Variants in ADAM22 observed in about 807,000 individuals in gnomAD.
ADAM22 encodes ADAM metallopeptidase domain 22, also known as disintegrin and metalloproteinase domain-containing protein 22.
A neutral mutation model predicts 144.6 loss-of-function variants in ADAM22; 65 were observed. The ratio of observed to expected loss-of-function variants is 0.45; its 90% CI spans 0.37 to 0.55. The LOEUF (loss-of-function observed/expected upper bound fraction) is 0.55, where lower values mean the gene tolerates loss of function less well. Among genes scored for constraint, ADAM22 ranks in the 20% least tolerant of loss-of-function variants. ADAM22 has a pLI of 0.00. For missense variants in ADAM22, 974 were observed against 1,184.9 expected (o/e 0.82, Z 2.61); for synonymous variants, 391 against 412.6 (o/e 0.95, Z 0.63).
At chr7:88,104,583 C>T (rs967648396) in intron 4 of ADAM22, among the ~76,000 whole-genome samples, 7 of 151,050 alleles carry the variant, frequency 4.6e-5, no homozygotes, top group African/African-American at 1.7e-4. Flanking sequence ...TAAGAAAGCC[C>T]TTTAACAGCC....
Position 88,132,817 on chromosome 7 carries a change from T to A in ADAM22, c.993-50T>A, listed in dbSNP as rs1586028455. On this transcript the variant is annotated intron_variant, in intron 11 of 31. Coordinates refer to ENST00000413139, the MANE Select transcript of ADAM22 (RefSeq NM_001324418.2). ...AGTAAACTAATAATGAGGGGTGCTA[T>A]GATGTTTGAACTGTGAACAGTAAGC... The A allele has an allele frequency of 3.5e-6, 5 of 1,449,090 alleles. No homozygotes were observed. In the East Asian group the frequency reaches 1.1e-4, roughly 33 times the overall value. The allele number at this position is 1,449,090 out of a possible 1,614,324, so 89.8% of individuals were successfully genotyped here. A position where few individuals can be genotyped will look rare whatever the true frequency, so the allele number is the denominator to read the frequency against.
At chr7:88,074,911 C>T (rs1203818874) in intron 3 of ADAM22, among the ~76,000 whole-genome samples, 1 of 152,006 alleles carries the variant, frequency 6.6e-6, no homozygotes, top group Non-Finnish European at 1.5e-5. Flanking sequence ...TAGAGCAACA[C>T]TAGAAATTTA....
chr7:88,125,307 A>G (rs1329347088), intron 7 of ADAM22, among the ~76,000 whole-genome samples: 1 of 151,984 alleles, frequency 6.6e-6, no homozygotes. Flanking sequence ...GGCTTTTTGG[A>G]AGATTTCCAG....
At chr7:87,937,637 T>G (rs1841552391) in intron 2 of ADAM22, among the ~76,000 whole-genome samples, 2 of 152,212 alleles carry the variant, frequency 1.3e-5, no homozygotes, top group African/African-American at 4.8e-5. Context: ...GCACCACTTG[T>G]GCAGTTTTTT....
rs537227222 is a variant in ADAM22 at position 88,177,458 on chromosome 7, G to T, written c.2301-1477G>T. Among the ~76,000 whole-genome samples, 37 of 152,154 alleles carry T rather than the reference G, an allele frequency of 2.4e-4. 1 individual carries two copies. The highest frequency in any genetic ancestry group is 1.5e-5 in the Non-Finnish European group (1 of 67,978). ...GGAAAAGAAAGAATAACTATTATGA[G>T]CTGAAGTCATTTACAGAATTAAAAA... On this transcript the variant is annotated intron_variant, in intron 26 of 31. Transcript: ENST00000413139.
At chr7:88,172,659 C>T (rs1844638091) in intron 26 of ADAM22, among the ~76,000 whole-genome samples, 1 of 151,738 alleles carries the variant, frequency 6.6e-6, no homozygotes, top group Non-Finnish European at 1.5e-5. Context: ...TATATAGTGC[C>T]CATGGGTTAC....
At chr7:88,162,295 G>A (rs1369488246) in intron 22 of ADAM22, among the ~76,000 whole-genome samples, 1 of 151,982 alleles carries the variant, frequency 6.6e-6, no homozygotes, top group African/African-American at 2.4e-5. Flanking sequence ...AGAACACATG[G>A]ACACAAAGAA....
intron 14 of ADAM22, among the ~76,000 whole-genome samples, chr7:88,138,182 CA>C (rs1833500733): frequency 1.3e-5 from 2 of 152,118 alleles, no homozygotes; most frequent in African/African-American, 4.8e-5. Context: ...AATATTTCTC[CA>C]AAAATCTTTG....
Position 88,112,404 on chromosome 7 carries a change from T to A in ADAM22, c.474-2180T>A, listed in dbSNP as rs573934050. ...ATGGAATTTCACCAATTTCACTAAA[T>A]CTTCAATGAAAGACAAATACTAGTT... On this transcript the variant is annotated intron_variant, in intron 5 of 31. Transcript: ENST00000413139. Among the ~76,000 whole-genome samples the A allele has an allele frequency of 2.0e-5, 3 of 152,298 alleles. No individual in the cohort carries two copies. The East Asian group carries it at 5.8e-4, about 29-fold the overall frequency.
intron 3 of ADAM22, among the ~76,000 whole-genome samples, chr7:88,026,413 C>T (rs985322614): frequency 2.0e-5 from 3 of 152,252 alleles, no homozygotes; most frequent in African/African-American, 4.8e-5. Flanking sequence ...ACTGAAGGGG[C>T]GGTGCTAACC....
At chr7:88,179,244 A>G in intron 27 of ADAM22, 115 bp downstream of exon 27, 1 of 472,162 alleles carries the variant, frequency 2.1e-6, no homozygotes, top group Non-Finnish European at 3.8e-6. Flanking sequence ...AAATCAGGCC[A>G]CAAAATCAAA....
intron 2 of ADAM22, among the ~76,000 whole-genome samples, chr7:87,976,513 T>G (rs1272580092): frequency 2.0e-5 from 3 of 152,124 alleles, no homozygotes; most frequent in Admixed American, 6.6e-5. Context: ...ACCTTGGACT[T>G]CCAGCCTCCA....
chr7:87,943,200 C>T (rs1842807438), intron 2 of ADAM22, among the ~76,000 whole-genome samples: 1 of 149,520 alleles, frequency 6.7e-6, no homozygotes, highest in Non-Finnish European at 1.5e-5. Context: ...TTGTCATGTA[C>T]CAGGCATTGT....
At position 88,173,178 on chromosome 7, in the gene ADAM22, T is replaced by C. The variant is rs1336526391; in HGVS notation, c.2300+1617T>C. On this transcript the variant is annotated intron_variant, in intron 26 of 31. Transcript: ENST00000413139. ...AAAAGTATGCACAAATTTCTTGTTC[T>C]AACTCAATATGTAGAGAGATATCGT... Among the ~76,000 whole-genome samples, 10 of 152,050 alleles carry C rather than the reference T, an allele frequency of 6.6e-5. No individual in the cohort carries two copies. In the East Asian group the frequency reaches 1.9e-3, roughly 29 times the overall value.
Position 88,120,112 on chromosome 7 carries a change from C to T in ADAM22, c.607+3298C>T, listed in dbSNP as rs546467730. 1.4e-3 allele frequency among the ~76,000 whole-genome samples: 217 copies of T among 152,082 alleles called. 4 individuals carry two copies. The highest frequency in any genetic ancestry group is 2.3e-3 in the Non-Finnish European group (155 of 67,990). On this transcript the variant is annotated intron_variant, in intron 7 of 31. Transcript: ENST00000413139. The stretch of plus-strand genomic sequence containing the variant: ...TGGAGAATTTGTATTTCCAGTGCTT[C>T]CCAGGTGATGCTAATGCTGCTGGTG...
At chr7:87,949,334 C>T (rs1844461858) in intron 2 of ADAM22, among the ~76,000 whole-genome samples, 1 of 152,184 alleles carries the variant, frequency 6.6e-6, no homozygotes, top group Admixed American at 6.5e-5. Flanking sequence ...AATAAAATGA[C>T]AGGAACTTGG....
At chr7:88,186,396 G>A in intron 29 of ADAM22, 2 of 527,006 alleles carry the variant, frequency 3.8e-6, no homozygotes, top group South Asian at 4.7e-5. Flanking sequence ...CAGAAATGTT[G>A]AATATATTGT....
intron 25 of ADAM22, among the ~76,000 whole-genome samples, chr7:88,169,394 G>A (rs764788094): frequency 5.3e-5 from 8 of 152,032 alleles, no homozygotes; most frequent in African/African-American, 1.9e-4. Context: ...ATCTAGCCCT[G>A]TACCATGTAG....
chr7:88,088,004 A>C (rs540657053), intron 4 of ADAM22, among the ~76,000 whole-genome samples: 2 of 152,306 alleles, frequency 1.3e-5, no homozygotes, highest in African/African-American at 4.8e-5. Flanking sequence ...GCGGGCCACC[A>C]TTGAAGTCTG....
Sources: gnomAD v4.1 joint callset for allele counts (sites outside exome capture counted in the v4.1 genomes callset) on GRCh38, gnomAD v4.1.1 for gene constraint, MANE v1.5 for transcripts, NCBI Gene and HGNC (gene_info 2026-07-23, HGNC 2026-07-21) for gene names.